The following PPM1G variants were observed in gnomAD, a reference collection of about 807,000 sequenced individuals.
PPM1G encodes protein phosphatase 1G.
Under a neutral mutation model 59.4 loss-of-function variants are expected in PPM1G, and 12 were observed. That is an observed-to-expected ratio of 0.20 (90% CI 0.13 to 0.33). The LOEUF (loss-of-function observed/expected upper bound fraction) is 0.33. PPM1G is among the 10% of genes least tolerant of loss of function. The pLI is 1.00. For synonymous variants in PPM1G, 245 were observed against 251.9 expected, an observed-to-expected ratio of 0.97 and a Z score of 0.26; for missense variants, 392 against 681.3, an observed-to-expected ratio of 0.58 and a Z score of 4.73.
chr2:27,382,052 A>T lies in PPM1G; in HGVS notation c.1434+74T>A. ...TACTGATAATGCTCCCAGATTGCCG[A>T]CTTAGCTCAGATTAAAAGAGTGAAC... On this transcript the variant is annotated intron_variant, in intron 9 of 9. Transcript: ENST00000344034. This position sits in a 1 kb window ranked among gnomAD's most constrained non-coding sequence, Gnocchi z 4.2. The T allele has an allele frequency of 1.4e-6, 2 of 1,451,828 alleles. No individual in the cohort carries two copies. The highest frequency in any genetic ancestry group is 9.7e-7 in the Non-Finnish European group (1 of 1,035,956). The allele number at this position is 1,451,828 out of a possible 1,614,324, so 89.9% of individuals were successfully genotyped here.
At chr2:27,394,506 G>A (rs1327478239) in intron 1 of PPM1G, among the ~76,000 whole-genome samples, 4 of 151,800 alleles carry the variant, frequency 2.6e-5, no homozygotes, top group South Asian at 2.1e-4. Context: ...CGAGGCAGGC[G>A]GATCTCTAGG....
At chr2:27,401,585 G>A (rs1440214381) in intron 1 of PPM1G, among the ~76,000 whole-genome samples, 4 of 152,172 alleles carry the variant, frequency 2.6e-5, no homozygotes, top group Non-Finnish European at 5.9e-5. Context: ...CAGCACTTTG[G>A]GAGGCTGAGG....
At position 27,387,076 on chromosome 2, in the gene PPM1G, C is replaced by A; in HGVS notation, c.190+13G>T. 1 of 1,594,016 alleles carries A rather than the reference C, an allele frequency of 6.3e-7. No homozygotes were observed. Among genetic ancestry groups the A allele is most frequent in the Non-Finnish European group, 8.6e-7 (1 of 1,161,778 alleles). ...GGTCCTAGAATGTTACCAATATGATCTGTTAAAGTTACCTCCATGTCCATC... is the reference window on the plus strand; with the variant it reads ...GGTCCTAGAATGTTACCAATATGATATGTTAAAGTTACCTCCATGTCCATC... On this transcript the variant is annotated intron_variant, in intron 2 of 9. Transcript: ENST00000344034.
chr2:27,390,571 C>A (rs1263527756), intron 1 of PPM1G, among the ~76,000 whole-genome samples: 1 of 152,116 alleles, frequency 6.6e-6, no homozygotes, highest in African/African-American at 2.4e-5. Flanking sequence ...ACAACAACAT[C>A]CGTAAACAGC....
chr2:27,381,810 G>A lies in PPM1G; in HGVS notation c.1435-5C>T. The A allele has an allele frequency of 6.2e-7, 1 of 1,612,180 alleles. No individual in the cohort carries two copies. The highest frequency in any genetic ancestry group is 1.1e-5 in the South Asian group (1 of 90,996). On this transcript the variant is annotated splice_polypyrimidine_tract_variant and splice_region_variant and intron_variant, in intron 9 of 9. Coordinates refer to ENST00000344034, the MANE Select transcript of PPM1G (RefSeq NM_177983.3). ...TGCCAGGCACTGATCCAGCAGCTAA[G>A]AAAGGGATGGGGGTAGCTCAGCCAC... is the stretch of plus-strand genomic sequence containing the variant.
At chr2:27,397,448 G>A (rs1238213083) in intron 1 of PPM1G, among the ~76,000 whole-genome samples, 1 of 151,986 alleles carries the variant, frequency 6.6e-6, no homozygotes, top group Non-Finnish European at 1.5e-5. Context: ...CAAAATAGTA[G>A]CAAACTAAAT....
rs964024769 is a variant in PPM1G at position 27,392,871 on chromosome 2, G to A, written c.121-5713C>T. ...ATTCGGGCGCTCCCATCTCGTGCAT[G>A]TTGGTCACGTGGTCACCCAATTCTT... On this transcript the variant is annotated intron_variant, in intron 1 of 9. Coordinates refer to ENST00000344034, the MANE Select transcript of PPM1G (RefSeq NM_177983.3). The A allele has an allele frequency of 5.5e-6, 8 of 1,442,190 alleles. No individual in the cohort carries two copies. The African/African-American group carries it at 9.8e-5, about 18-fold the overall frequency. 89.3% of individuals were successfully genotyped at this position (1,442,190 alleles called of 1,614,324 possible). A position where few individuals can be genotyped will look rare whatever the true frequency, so the allele number is the denominator to read the frequency against.
rs572199860 is a variant in PPM1G, at chr2:27,408,118, C to G, written c.120+1185G>C. Among the ~76,000 whole-genome samples the G allele has an allele frequency of 2.9e-4, 44 of 151,216 alleles. No individual in the cohort carries two copies. The South Asian group carries it at 6.1e-3, about 21-fold the overall frequency. On this transcript the variant is annotated intron_variant, in intron 1 of 9. Transcript: ENST00000344034. ...TACACTCCAATCCTGAAATTTTATA[C>G]CTAATTATAAAATTGTTATTAAGGT... is the stretch of plus-strand genomic sequence containing the variant.
At chr2:27,389,407 CCT>C (rs1247278374) in intron 1 of PPM1G, among the ~76,000 whole-genome samples, 6 of 151,992 alleles carry the variant, frequency 3.9e-5, no homozygotes, top group Non-Finnish European at 8.8e-5. Flanking sequence ...GCACAATTAC[CCT>C]CTCCTTCACT....
Position 27,384,773 on chromosome 2 carries a change from G to C in PPM1G, c.725C>G (p.Ser242Cys). 1.9e-6 allele frequency: 3 copies of C among 1,614,200 alleles called. No homozygotes were observed. Among genetic ancestry groups the C allele is most frequent in the Non-Finnish European group, 2.5e-6 (3 of 1,180,044 alleles). The change falls in exon 5 of 10, where the codon TCT (serine) becomes TGT (cysteine). Residue 242 changes from serine to cysteine, a missense_variant. This residue lies in a region of PPM1G where 188 missense variants were observed against 248.8 expected (regional missense o/e 0.76). Transcript: ENST00000344034. This position sits in a 1 kb window ranked among gnomAD's most constrained non-coding sequence, Gnocchi z 4.8. ...IPTGEAGPSC[S>C]SASDKLPRVA... Reference sequence around the variant, plus strand: ...TCGAGGCAGCTTGTCAGAGGCTGAAGAGCAGGAAGGCCCAGCCTCACCAGT... The same window carrying C: ...TCGAGGCAGCTTGTCAGAGGCTGAACAGCAGGAAGGCCCAGCCTCACCAGT...
rs978824962 is a variant in PPM1G, at chr2:27,392,852, G to C, written c.121-5694C>G. The C allele has an allele frequency of 7.5e-5, 111 of 1,475,772 alleles. 2 individuals are homozygous for C. The South Asian group carries it at 1.2e-3, about 16-fold the overall frequency. 91.4% of individuals were successfully genotyped at this position (1,475,772 alleles called of 1,614,324 possible). ...AGGTATTCTGCCACGCCAGATTCGG[G>C]CGCTCCCATCTCGTGCATGTTGGTC... On this transcript the variant is annotated intron_variant, in intron 1 of 9. Transcript: ENST00000344034.
rs1683624684 is a variant in PPM1G, at chr2:27,381,465, G to A, written c.*134C>T. 2.1e-6 allele frequency: 2 copies of A among 941,496 alleles called. No individual in the cohort carries two copies. Among genetic ancestry groups the A allele is most frequent in the Admixed American group, 4.2e-5 (2 of 47,144 alleles). 58.3% of individuals were successfully genotyped at this position (941,496 alleles called of 1,614,324 possible). The stretch of plus-strand genomic sequence containing the variant: ...GTGGAGGGAGAGCCCTCTTTGGAAT[G>A]GGCGGAGTGAAGCCACCCAGCTCCC... On this transcript the variant is annotated 3_prime_UTR_variant, in exon 10 of 10. Coordinates refer to ENST00000344034, the MANE Select transcript of PPM1G (RefSeq NM_177983.3).
intron 1 of PPM1G, 108 bp from the exon 2 acceptor site, chr2:27,387,266 G>A (rs1159668013): frequency 7.6e-6 from 6 of 785,256 alleles, no homozygotes; most frequent in Non-Finnish European, 1.3e-5. Context: ...GGCCTATATG[G>A]CCTAGAAATA....
At chr2:27,397,338 T>C (rs1380906484) in intron 1 of PPM1G, among the ~76,000 whole-genome samples, 3 of 152,138 alleles carry the variant, frequency 2.0e-5, no homozygotes, top group Non-Finnish European at 4.4e-5. Context: ...CCCAATTCAT[T>C]CTATGAGGCC....
chr2:27,408,439 G>C (rs1222653642), intron 1 of PPM1G, among the ~76,000 whole-genome samples: 1 of 152,038 alleles, frequency 6.6e-6, no homozygotes, highest in Non-Finnish European at 1.5e-5. Context: ...TTCACATCAA[G>C]TTTTACCTAA....
Position 27,381,602 on chromosome 2 carries a change from G to A in PPM1G, c.1638C>T (p.Asp546=), listed in dbSNP as rs1159880139. ...TGGGCAGGGGTCTGGATGACTGCTA[G>A]TCTCGCTTGGCCTTCTTCTTCTTGT... ...NSDKKKKAKR[D] is the part of the protein sequence containing the mutation. The change falls in exon 10 of 10, where the codon GAC becomes GAT. Residue 546 remains aspartate, a synonymous_variant. Transcript: ENST00000344034. 6.2e-7 allele frequency: 1 copy of A among 1,614,140 alleles called. No individual in the cohort carries two copies. Among genetic ancestry groups the A allele is most frequent in the South Asian group, 1.1e-5 (1 of 91,088 alleles).
In PPM1G at chr2:27,392,694, A is replaced by C. The variant is rs1295415583; in HGVS notation, c.121-5536T>G. On this transcript the variant is annotated intron_variant, in intron 1 of 9. Transcript: ENST00000344034. ...TTAAGTGGGTGTCTTGGAACAACTT[A>C]TAGAAAAGGTAAAGGAAACCCCAAC... The C allele has an allele frequency of 2.0e-5, 16 of 783,910 alleles. No individual in the cohort carries two copies. In the East Asian group the frequency reaches 3.3e-4, roughly 16 times the overall value. 48.6% of individuals were successfully genotyped at this position (783,910 alleles called of 1,614,324 possible). A position where few individuals can be genotyped will look rare whatever the true frequency, so the allele number is the denominator to read the frequency against.
rs1244262126 is a variant in PPM1G, at chr2:27,384,083, C to T, written c.835G>A (p.Glu279Lys). Residue 279 changes from glutamate to lysine, a missense_variant, in exon 6 of 10, where the codon GAG (glutamate) becomes AAG (lysine). Glu to Lys is a moderately conservative substitution (Grantham distance 56, BLOSUM62 1). Coordinates refer to ENST00000344034, the MANE Select transcript of PPM1G (RefSeq NM_177983.3). The surrounding 1 kb of genome is among the most constrained non-coding windows in gnomAD (Gnocchi z 4.8). ...EEEEDSEECSEEEDGYSSEEA... is the reference protein window; with the variant it reads ...EEEEDSEECSKEEDGYSSEEA... ...TCACTGCTGTAGCCATCCTCTTCCT[C>T]GCTGCATTCCTGCCAGGGGGAGGAT... The T allele has an allele frequency of 3.1e-6, 5 of 1,613,972 alleles. No homozygotes were observed. The highest frequency in any genetic ancestry group is 1.3e-5 in the African/African-American group (1 of 74,932).
rs979319993 is a variant in PPM1G at position 27,409,454 on chromosome 2, G to A, written c.-32C>T. 4.1e-6 allele frequency: 6 copies of A among 1,481,370 alleles called. No individual in the cohort carries two copies. The African/African-American group carries it at 5.9e-5, about 15-fold the overall frequency. 91.8% of individuals were successfully genotyped at this position (1,481,370 alleles called of 1,614,324 possible). ...GGCTGGCCGGCGGCCTCAGGTGCAG[G>A]AAAGCTGGGCGCGACCCGTGCCGGA... On this transcript the variant is annotated 5_prime_UTR_variant, in exon 1 of 10. Coordinates refer to ENST00000344034, the MANE Select transcript of PPM1G (RefSeq NM_177983.3).
Sources: allele counts gnomAD v4.1 joint callset (sites outside exome capture counted in the v4.1 genomes callset), GRCh38; gene constraint gnomAD v4.1.1; regional missense constraint gnomAD v4.1.1; non-coding constraint Gnocchi (gnomAD v3.1); transcripts MANE v1.5; gene names NCBI Gene and HGNC (gene_info 2026-07-23, HGNC 2026-07-21).